Variants in DNAH5 observed in about 807,000 individuals in gnomAD.
DNAH5 encodes the protein dynein axonemal heavy chain 5, also known as axonemal beta dynein heavy chain 5.
A neutral mutation model predicts 518.2 loss-of-function variants in DNAH5; 372 were observed. That is an observed-to-expected ratio of 0.72 (90% CI 0.66 to 0.78). The LOEUF (loss-of-function observed/expected upper bound fraction) is 0.78. Ranked by LOEUF, DNAH5 falls within the 30% of genes least tolerant of loss-of-function variation. DNAH5 has a pLI of 0.00. For synonymous variants in DNAH5, 2,039 were observed against 2,025.9 expected (o/e 1.01, Z -0.17); for missense variants, 5,523 against 5,687.0 (o/e 0.97, Z 0.93).
chr5:13,823,107 T>C (rs1580427334), intron 40 of DNAH5, among the ~76,000 whole-genome samples, 156 bp downstream of exon 40: 1 of 152,218 alleles, frequency 6.6e-6, no homozygotes, highest in Admixed American at 6.5e-5. Flanking sequence ...TGACTCGTGG[T>C]GTGCATTGGC....
chr5:13,732,346 G>C (rs1435179564), intron 68 of DNAH5, among the ~76,000 whole-genome samples: 1 of 152,074 alleles, frequency 6.6e-6, no homozygotes, highest in Non-Finnish European at 1.5e-5. Context: ...TTCTCACATA[G>C]TGCAGGAGCT....
intron 1 of DNAH5, among the ~76,000 whole-genome samples, chr5:13,942,867 G>A (rs1003625193): frequency 2.0e-5 from 3 of 152,106 alleles, no homozygotes; most frequent in South Asian, 2.1e-4. Context: ...CTAACACGAC[G>A]GTCGTGAATA....
At chr5:13,867,408 T>A (rs1657048852) in intron 25 of DNAH5, among the ~76,000 whole-genome samples, 1 of 152,142 alleles carries the variant, frequency 6.6e-6, no homozygotes, top group South Asian at 2.1e-4. Context: ...CCCTCTTCGC[T>A]CAGCATTCTC....
intron 53 of DNAH5, among the ~76,000 whole-genome samples, chr5:13,778,578 GAAAGAAAGAAAGAA>G (rs1484738199): frequency 4.4e-4 from 33 of 75,044 alleles, no homozygotes; most frequent in African/African-American, 1.1e-3. Context: ...AAGAAAGAAA[GAAAGAAAGAAAGAA>G]AGAAAGAGAG....
At chr5:13,998,838 T>C (rs1784144629) in intron 1 of DNAH5, among the ~76,000 whole-genome samples, 1 of 152,140 alleles carries the variant, frequency 6.6e-6, no homozygotes, top group African/African-American at 2.4e-5. Context: ...TCATATTGCT[T>C]GAGAATTTCT....
intron 61 of DNAH5, among the ~76,000 whole-genome samples, chr5:13,757,875 A>T (rs1751225787): frequency 6.6e-6 from 1 of 152,150 alleles, no homozygotes; most frequent in Admixed American, 6.6e-5. Flanking sequence ...AAACTCTTTT[A>T]TTGGGACCCC....
chr5:13,939,148 T>C lies in DNAH5; in HGVS notation c.57+5234A>G, dbSNP rs536289049. ...AAGGGATGTTTTCCATTTTGATTTA[T>C]TCGATAGCAGCAGTGTCAACAACAG... On this transcript the variant is annotated intron_variant, in intron 1 of 78. Transcript: ENST00000265104. Among the ~76,000 whole-genome samples, 4 of 152,282 alleles carry C rather than the reference T, an allele frequency of 2.6e-5. 1 individual carries two copies. The highest frequency in any genetic ancestry group is 9.6e-5 in the African/African-American group (4 of 41,550).
chr5:13,748,645 T>C (rs900961763), intron 65 of DNAH5, among the ~76,000 whole-genome samples: 1 of 152,208 alleles, frequency 6.6e-6, no homozygotes, highest in Non-Finnish European at 1.5e-5. Context: ...GAAGCAATTG[T>C]GAATGGGAGT....
intron 63 of DNAH5, 104 bp from the exon 64 acceptor site, chr5:13,752,393 C>T (rs935567166): frequency 7.5e-7 from 1 of 1,328,986 alleles, no homozygotes; most frequent in African/African-American, 1.5e-5. Context: ...CTGCAAGAGA[C>T]AAATACAAAT....
At chr5:13,728,608 C>T (rs962192362) in intron 69 of DNAH5, among the ~76,000 whole-genome samples, 2 of 152,032 alleles carry the variant, frequency 1.3e-5, no homozygotes, top group African/African-American at 4.8e-5. Context: ...TGGTTTGTAC[C>T]CCTAAGTACA....
At chr5:13,987,920 T>G (rs1561049133) in intron 1 of DNAH5, among the ~76,000 whole-genome samples, 3 of 151,664 alleles carry the variant, frequency 2.0e-5, no homozygotes, top group Non-Finnish European at 4.4e-5. Flanking sequence ...TACTTTTGCC[T>G]GTAGAAAAAA....
chr5:13,818,945 AC>A (rs1761852869), intron 41 of DNAH5, among the ~76,000 whole-genome samples: 1 of 152,186 alleles, frequency 6.6e-6, no homozygotes, highest in Non-Finnish European at 1.5e-5. Context: ...TACTACTAAA[AC>A]CAAAACCAAG....
intron 70 of DNAH5, among the ~76,000 whole-genome samples, chr5:13,726,069 G>A (rs1448957539): frequency 6.6e-6 from 1 of 152,212 alleles, no homozygotes; most frequent in African/African-American, 2.4e-5. Context: ...AAAATGCAGA[G>A]AATAAGAAAT....
chr5:13,759,541 A>G (rs753871120), intron 60 of DNAH5, among the ~76,000 whole-genome samples: 1 of 152,262 alleles, frequency 6.6e-6, no homozygotes, highest in Non-Finnish European at 1.5e-5. Flanking sequence ...GAATATAAAT[A>G]TCTACGTTTT....
In DNAH5 at chr5:13,862,640, A is replaced by G. The variant is rs1175413447; in HGVS notation, c.4704T>C (p.Arg1568=). 1 of 1,613,976 alleles carries G rather than the reference A, an allele frequency of 6.2e-7. No individual in the cohort carries two copies. The part of the protein sequence containing the change: ...KTFTFGSFKT[R]GELLLRGDST... Reference sequence around the variant, plus strand: ...TGTCTCCTCTCAAGAGGAGCTCTCCACGGGTTTTAAAGCTGCCGAAGGTGA... The same window carrying G: ...TGTCTCCTCTCAAGAGGAGCTCTCCGCGGGTTTTAAAGCTGCCGAAGGTGA... Residue 1568 remains arginine, a synonymous_variant, in exon 29 of 79, where the codon CGT becomes CGC. Coordinates refer to ENST00000265104, the MANE Select transcript of DNAH5 (RefSeq NM_001369.3).
chr5:13,839,259 T>A, intron 35 of DNAH5, 97 bp downstream of exon 35: 2 of 1,094,744 alleles, frequency 1.8e-6, no homozygotes, highest in South Asian at 2.6e-5. Flanking sequence ...GGTTTTAGTA[T>A]AAAGAGCCTA....
chr5:13,727,421 T>C, intron 70 of DNAH5, 86 bp downstream of exon 70: 2 of 1,309,460 alleles, frequency 1.5e-6, no homozygotes, highest in Admixed American at 2.4e-5. Flanking sequence ...TCACTGGAAT[T>C]CACATTTAAA....
At chr5:13,870,285 C>T (rs1280853823) in intron 24 of DNAH5, among the ~76,000 whole-genome samples, 6 of 152,152 alleles carry the variant, frequency 3.9e-5, no homozygotes, top group African/African-American at 1.2e-4. Context: ...GCTATAAGGA[C>T]TGCAGCTGTC....
chr5:13,792,275 T>C (rs1757121851), intron 49 of DNAH5, 58 bp from the exon 50 acceptor site: 16 of 1,479,624 alleles, frequency 1.1e-5, no homozygotes, highest in Non-Finnish European at 1.5e-5. Flanking sequence ...TAAATGAAAA[T>C]GAAAAGCATT....
Sources: gnomAD v4.1 joint callset for allele counts (sites outside exome capture counted in the v4.1 genomes callset) on GRCh38, gnomAD v4.1.1 for gene constraint, MANE v1.5 for transcripts, NCBI Gene and HGNC (gene_info 2026-07-23, HGNC 2026-07-21) for gene names.